The following MUC4 variants were observed in gnomAD, a reference collection of about 807,000 sequenced individuals.
The protein encoded by MUC4 is mucin 4, cell surface associated.
In MUC4, 202 loss-of-function variants were observed where a neutral mutation model predicts 257.9. The observed-to-expected ratio is 0.78, with a 90% CI of 0.70 to 0.88. The LOEUF (loss-of-function observed/expected upper bound fraction) is 0.88, where lower values mean the gene tolerates loss of function less well. Among genes scored for constraint, MUC4 ranks in the 40% least tolerant of loss-of-function variants. The pLI is 0.00. For synonymous variants in MUC4, 2,351 were observed against 2,757.1 expected, an observed-to-expected ratio of 0.85 and a Z score of 4.62; for missense variants, 5,976 against 6,513.7, an observed-to-expected ratio of 0.92 and a Z score of 2.84.
In MUC4 at chr3:195,789,984, G is replaced by A. The variant is rs2149039349; in HGVS notation, c.1596C>T (p.Val532=). The A allele has an allele frequency of 6.2e-7, 1 of 1,613,972 alleles. No individual in the cohort carries two copies. The highest frequency in any genetic ancestry group is 1.3e-5 in the African/African-American group (1 of 75,036). The change falls in exon 2 of 25, where the codon GTC becomes GTT. Residue 532 remains valine, a synonymous_variant. Transcript: ENST00000463781. ...CCCCTATTGCTGAGACCTTAGAGGG[G>A]ACCCTTGGAATAGTGCCAGCTGTCC... ...STGTAGTIPR[V]PSKVSAIGEP... is the part of the protein sequence containing the mutation.
In MUC4 at chr3:195,769,043, G is replaced by A. The variant is rs755047104; in HGVS notation, c.13508C>T (p.Pro4503Leu). The A allele has an allele frequency of 1.6e-5, 26 of 1,613,688 alleles. No homozygotes were observed. The highest frequency in any genetic ancestry group is 1.2e-4 in the Admixed American group (7 of 59,988). ...CTACCTAGAGAAGCCCATGAGCACC[G>A]GGTTGCCTGAGCGCTGGGCCACGTC... ...QWDVAQRSGNPVLMGFSSGDG... is the reference protein window; with the variant it reads ...QWDVAQRSGNLVLMGFSSGDG... The change falls in exon 7 of 25, where the codon CCG (proline) becomes CTG (leucine). Residue 4503 changes from proline to leucine, a missense_variant. By Grantham distance (98) the Pro-to-Leu change is moderately conservative. Transcript: ENST00000463781.
At position 195,790,251 on chromosome 3, in the gene MUC4, T is replaced by A; in HGVS notation, c.1329A>T (p.Leu443=). The A allele has an allele frequency of 1.9e-6, 3 of 1,613,952 alleles. No homozygotes were observed. The highest frequency in any genetic ancestry group is 2.5e-6 in the Non-Finnish European group (3 of 1,179,876). ...GGAAAGCTGTGGATATTTTTGGAGG[T>A]AGAGAACTGGGGGAGAGTGCTGTTG... is the stretch of plus-strand genomic sequence containing the variant. ...TLSTALSPSS[L]PPKISTAFHT... The change falls in exon 2 of 25, where the codon CTA becomes CTT. Residue 443 remains leucine (L), a synonymous_variant. Coordinates refer to ENST00000463781, the MANE Select transcript of MUC4 (RefSeq NM_018406.7).
intron 14 of MUC4, 69 bp from the exon 15 acceptor site, chr3:195,761,654 G>T: frequency 1.6e-6 from 2 of 1,235,960 alleles, no homozygotes; most frequent in Non-Finnish European, 2.4e-6. Flanking sequence ...AGCATCCGGC[G>T]GACGCAGTGG....
intron 11 of MUC4, 30 bp downstream of exon 11, chr3:195,764,015 C>T (rs1434180529): frequency 8.1e-6 from 13 of 1,596,098 alleles, no homozygotes; most frequent in Non-Finnish European, 3.4e-6. Context: ...TCCCCAGAGG[C>T]TCTTCCTGGG....
Position 195,788,885 on chromosome 3 carries a change from G to A in MUC4, c.2695C>T (p.Gln899Ter), listed in dbSNP as rs771999318. Residue 899 changes from glutamine (Q) to a stop codon, truncating the protein, a stop_gained, in exon 2 of 25, where the codon CAG becomes TAG. Transcript: ENST00000463781. LOFTEE classifies it high-confidence loss of function. ...ATCCGGGAAATGGCGGCTGTCTCCTGAGGAGAGGCACTGGGAGAAGTTGGG... is the reference window on the plus strand; with the variant it reads ...ATCCGGGAAATGGCGGCTGTCTCCTAAGGAGAGGCACTGGGAGAAGTTGGG... The part of the protein sequence containing the change: ...SSPTSPSASP[Q>*]ETAAISRMAQ... 1 of 1,613,796 alleles carries A rather than the reference G, an allele frequency of 6.2e-7. No individual in the cohort carries two copies. The highest frequency in any genetic ancestry group is 8.5e-7 in the Non-Finnish European group (1 of 1,179,818).
intron 1 of MUC4, among the ~76,000 whole-genome samples, chr3:195,794,088 A>AAAT (rs796835678): frequency 6.5e-5 from 5 of 77,044 alleles, no homozygotes; most frequent in South Asian, 3.0e-4. Flanking sequence ...TAAAAAATAA[A>AAAT]AATAATAATA....
rs1051323216 is a variant in MUC4, at chr3:195,757,978, G to A, written c.14987-650C>T. Among the ~76,000 whole-genome samples the A allele has an allele frequency of 6.6e-6, 1 of 152,182 alleles. No individual in the cohort carries two copies. The highest frequency in any genetic ancestry group is 1.9e-4 in the East Asian group (1 of 5,190). ...GAAAACCTCTCAGTGCCATTGTCTC[G>A]CACCTGGGAGGACGCACATGGGGCA... On this transcript the variant is annotated intron_variant, in intron 17 of 24. Transcript: ENST00000463781. This position sits in a 1 kb window ranked among gnomAD's most constrained non-coding sequence, Gnocchi z 4.8.
In MUC4 at chr3:195,781,527, G is replaced by C. The variant is rs755290166; in HGVS notation, c.10053C>G (p.Ser3351=). The part of the protein sequence containing the change: ...DTTPVPVTDT[S]SVSTGHATPL... ...GGGTGGCGTGACCTGTGGATACTGA[G>C]GAAGTGTCGGTGACAGGCACAGGGG... is the stretch of plus-strand genomic sequence containing the variant. Residue 3351 remains serine, a synonymous_variant, in exon 2 of 25, where the codon TCC becomes TCG. Transcript: ENST00000463781. 1.9e-5 allele frequency: 28 copies of C among 1,468,048 alleles called. 2 individuals are homozygous for C. The African/African-American group carries it at 3.3e-4, about 17-fold the overall frequency. The allele number at this position is 1,468,048 out of a possible 1,614,324, so 90.9% of individuals were successfully genotyped here. A position where few individuals can be genotyped will look rare whatever the true frequency, so the allele number is the denominator to read the frequency against.
At chr3:195,767,913 T>TGCCACCATCACCACCATCACCAC (rs1560266554) in intron 7 of MUC4, among the ~76,000 whole-genome samples, 1 of 110,284 alleles carries the variant, frequency 9.1e-6, no homozygotes, top group Admixed American at 8.5e-5. Flanking sequence ...ACCATCACCA[T>TGCCACCATCACCACCATCACCAC]CGCCACTGCC....
In MUC4 at chr3:195,789,354, G is replaced by T; in HGVS notation, c.2226C>A (p.Asn742Lys). The T allele has an allele frequency of 2.5e-6, 4 of 1,613,990 alleles. No homozygotes were observed. Among genetic ancestry groups the T allele is most frequent in the Non-Finnish European group, 3.4e-6 (4 of 1,179,884 alleles). Reference sequence around the variant, plus strand: ...GGCCCCCTGGTGTTGACACTACAGAGTTGGCCAGAGTAAGGGCACCTGTTT... The same window carrying T: ...GGCCCCCTGGTGTTGACACTACAGATTTGGCCAGAGTAAGGGCACCTGTTT... ...LSKTGALTLA[N>K]SVVSTPGGPE... The change falls in exon 2 of 25, where the codon AAC becomes AAA. Residue 742 changes from asparagine (N) to lysine (K), a missense_variant. Around this residue, in one of 44 missense-constraint regions of MUC4, gnomAD observed 1,583 missense variants for 1,257.4 expected, o/e 1.26. Coordinates refer to ENST00000463781, the MANE Select transcript of MUC4 (RefSeq NM_018406.7).
At position 195,790,235 on chromosome 3, in the gene MUC4, T is replaced by C; in HGVS notation, c.1345A>G (p.Thr449Ala). The C allele has an allele frequency of 6.2e-7, 1 of 1,614,000 alleles. No homozygotes were observed. ...TCACTCTGCTGGGTGTGGAAAGCTG[T>C]GGATATTTTTGGAGGTAGAGAACTG... ...SPSSLPPKIS[T>A]AFHTQQSEGA... Residue 449 changes from threonine (T) to alanine (A), a missense_variant, in exon 2 of 25, where the codon ACA becomes GCA. Thr to Ala is a moderately conservative substitution (Grantham distance 58). This residue lies in a region of MUC4 where 1,583 missense variants were observed against 1,257.4 expected (regional missense o/e 1.26). Coordinates refer to ENST00000463781, the MANE Select transcript of MUC4 (RefSeq NM_018406.7).
At position 195,780,987 on chromosome 3, in the gene MUC4, G is replaced by A. The variant is rs74957513; in HGVS notation, c.10593C>T (p.Thr3531=). Residue 3531 remains threonine (T), a synonymous_variant, in exon 2 of 25, where the codon ACC becomes ACT. Transcript: ENST00000463781. ...TGACAGGAAGAGGCGTGGCGTGACC[G>A]GTGGATACTGAGGAAGTGTCGGTGA... ...LPVTDTSSVS[T]GHATPLPVTS... is the part of the protein sequence containing the mutation. 18 of 437,934 alleles carry A rather than the reference G, an allele frequency of 4.1e-5. 3 individuals carry two copies. Among genetic ancestry groups the A allele is most frequent in the East Asian group, 1.7e-4 (2 of 11,644 alleles). 27.1% of individuals were successfully genotyped at this position (437,934 alleles called of 1,614,324 possible). A position where few individuals can be genotyped will look rare whatever the true frequency, so the allele number is the denominator to read the frequency against.
chr3:195,805,854 A>C (rs1356115064), intron 1 of MUC4, among the ~76,000 whole-genome samples: 2 of 150,980 alleles, frequency 1.3e-5, no homozygotes, highest in Admixed American at 1.3e-4. Context: ...AGTGGCTCAC[A>C]CTGGTAATCC....
rs1431406721 is a variant in MUC4, at chr3:195,790,350, T to C, written c.1230A>G (p.Thr410=). ...AAATGGTTCCACTTACAGATAGTGA[T>C]GTCTCCTCTGTGTTTCCAAGAGTAG... The part of the protein sequence containing the change: ...RDSTLGNTEE[T]SLSVSGTISA... Residue 410 remains threonine (T), a synonymous_variant, in exon 2 of 25, where the codon ACA becomes ACG. Coordinates refer to ENST00000463781, the MANE Select transcript of MUC4 (RefSeq NM_018406.7). 1.2e-6 allele frequency: 2 copies of C among 1,613,792 alleles called. No individual in the cohort carries two copies. Among genetic ancestry groups the C allele is most frequent in the Admixed American group, 1.7e-5 (1 of 60,010 alleles).
intron 17 of MUC4, among the ~76,000 whole-genome samples, chr3:195,758,453 T>G (rs150731138): frequency 4.9e-4 from 74 of 152,266 alleles, no homozygotes; most frequent in Middle Eastern, 3.4e-3. Context: ...TTAATAGATA[T>G]AAAAATGTTG....
intron 7 of MUC4, among the ~76,000 whole-genome samples, chr3:195,767,643 C>T (rs1560262885): frequency 6.9e-4 from 65 of 94,732 alleles, no homozygotes; most frequent in Non-Finnish European, 8.9e-4. Flanking sequence ...CCACCACCAT[C>T]GCCACCACCA....
rs1719110380 is a variant in MUC4 at position 195,762,122 on chromosome 3, G to A, written c.14477C>T (p.Pro4826Leu). The change falls in exon 14 of 25, where the codon CCG becomes CTG. Residue 4826 changes from proline (P) to leucine (L), a missense_variant. Pro to Leu is a moderately conservative substitution (Grantham distance 98, BLOSUM62 -3). Coordinates refer to ENST00000463781, the MANE Select transcript of MUC4 (RefSeq NM_018406.7). ...CTCCGTGCGGTTCTGGTACTCGGGCGGGAGGCTGGCGGAGGCGTGGAGGAT... is the reference window on the plus strand; with the variant it reads ...CTCCGTGCGGTTCTGGTACTCGGGCAGGAGGCTGGCGGAGGCGTGGAGGAT... ...SNILHASASL[P>L]PEYQNRTEGL... 1 of 1,607,692 alleles carries A rather than the reference G, an allele frequency of 6.2e-7. No homozygotes were observed. The highest frequency in any genetic ancestry group is 8.5e-7 in the Non-Finnish European group (1 of 1,178,384).
rs1725717686 is a variant in MUC4, at chr3:195,778,885, G to A, written c.12695C>T (p.Ser4232Leu). The A allele has an allele frequency of 6.2e-7, 1 of 1,603,730 alleles. No homozygotes were observed. The highest frequency in any genetic ancestry group is 1.3e-5 in the African/African-American group (1 of 74,780). ...ATPLPVTSLS[S>L]VSTGHATPLA... ...AGGGGTGGCGTGACCTGTGGATACTGAGGAAAGGCTGGTGACAGGAAGAGG... is the reference window on the plus strand; with the variant it reads ...AGGGGTGGCGTGACCTGTGGATACTAAGGAAAGGCTGGTGACAGGAAGAGG... Residue 4232 changes from serine to leucine, a missense_variant, in exon 2 of 25, where the codon TCA (serine) becomes TTA (leucine). Physicochemically the swap from Ser to Leu is moderately radical, Grantham distance 145. This residue lies in a region of MUC4 where 22 missense variants were observed against 64.1 expected (regional missense o/e 0.34). Coordinates refer to ENST00000463781, the MANE Select transcript of MUC4 (RefSeq NM_018406.7).
rs907684960 is a variant in MUC4 at position 195,750,959 on chromosome 3, C to T, written c.15801G>A (p.Arg5267=). ...CCACGTCGTTCCTGGGCTCCTCACT[C>T]CTCCGTGGAACGTGGTATAAGAACG... ...VEAFLYHVPR[R]SEEPRNDVVF... The change falls in exon 23 of 25, where the codon AGG becomes AGA. Residue 5267 remains arginine (R), a synonymous_variant. Coordinates refer to ENST00000463781, the MANE Select transcript of MUC4 (RefSeq NM_018406.7). 2 of 1,614,026 alleles carry T rather than the reference C, an allele frequency of 1.2e-6. No individual in the cohort carries two copies. The highest frequency in any genetic ancestry group is 1.7e-6 in the Non-Finnish European group (2 of 1,180,018).
Sources: gnomAD v4.1 joint callset for allele counts (sites outside exome capture counted in the v4.1 genomes callset) on GRCh38, gnomAD v4.1.1 for gene constraint, gnomAD v4.1.1 regional missense constraint, Gnocchi (gnomAD v3.1) non-coding constraint, MANE v1.5 for transcripts, NCBI Gene and HGNC (gene_info 2026-07-23, HGNC 2026-07-21) for gene names.